The following HMCN1 variants were observed in gnomAD, a reference collection of about 807,000 sequenced individuals.
The protein encoded by HMCN1 is hemicentin-1.
A neutral mutation model predicts 625.9 loss-of-function variants in HMCN1; 321 were observed. That is an observed-to-expected ratio of 0.51 (90% CI 0.47 to 0.56). HMCN1 has a LOEUF of 0.56. HMCN1 is among the 20% of genes least tolerant of loss of function. The probability of loss-of-function intolerance (pLI) is 0.00; values close to 1 mark genes in which losing one functional copy is unlikely to be tolerated. For missense variants in HMCN1, 6,588 were observed against 6,887.3 expected (o/e 0.96, Z 1.54); for synonymous variants, 2,425 against 2,417.6 (o/e 1.00, Z -0.09).
chr1:186,180,744 G>A (rs1184549648), intron 104 of HMCN1, among the ~76,000 whole-genome samples: 1 of 152,152 alleles, frequency 6.6e-6, no homozygotes, highest in Non-Finnish European at 1.5e-5. Context: ...AAAATTTATA[G>A]CTAGTCCATT....
intron 4 of HMCN1, among the ~76,000 whole-genome samples, chr1:185,889,354 G>C (rs1664892680): frequency 6.8e-6 from 1 of 146,624 alleles, no homozygotes; most frequent in Admixed American, 6.6e-5. Context: ...ATGTTGAATA[G>C]GAGTGGTGAG....
At chr1:185,852,755 A>G (rs1053396791) in intron 2 of HMCN1, among the ~76,000 whole-genome samples, 1 of 151,960 alleles carries the variant, frequency 6.6e-6, no homozygotes, top group Non-Finnish European at 1.5e-5. Context: ...ATCTATTGCT[A>G]CTACTAGCTC....
At chr1:185,870,487 A>C (rs1454599704) in intron 4 of HMCN1, among the ~76,000 whole-genome samples, 1 of 152,148 alleles carries the variant, frequency 6.6e-6, no homozygotes, top group Middle Eastern at 3.2e-3. Flanking sequence ...CCCTCGAAAA[A>C]AACTTACCAG....
intron 5 of HMCN1, among the ~76,000 whole-genome samples, chr1:185,911,086 C>T (rs1666390207): frequency 6.6e-6 from 1 of 152,110 alleles, no homozygotes; most frequent in Admixed American, 6.6e-5. Context: ...AAAGCCTTCT[C>T]CTGTGCTTCA....
At chr1:186,101,165 A>G (rs569197741) in intron 68 of HMCN1, among the ~76,000 whole-genome samples, 39 of 147,474 alleles carry the variant, frequency 2.6e-4, no homozygotes, top group Admixed American at 5.4e-4. Flanking sequence ...AACTAGGAAG[A>G]AAAAAAAAAC....
At chr1:186,119,644 T>A in intron 78 of HMCN1, 101 bp from the exon 79 acceptor site, 1 of 1,195,504 alleles carries the variant, frequency 8.4e-7, no homozygotes, top group Non-Finnish European at 1.2e-6. Context: ...TCACTAATAT[T>A]TTAGAATTAT....
At chr1:186,018,471 A>G (rs1654509157) in intron 34 of HMCN1, 119 bp downstream of exon 34, 8 of 1,063,728 alleles carry the variant, frequency 7.5e-6, no homozygotes, top group Non-Finnish European at 1.1e-5. Flanking sequence ...AAGGTAGTGT[A>G]AAGGATGTGA....
At chr1:185,861,295 G>A (rs1662851765) in intron 2 of HMCN1, among the ~76,000 whole-genome samples, 1 of 152,156 alleles carries the variant, frequency 6.6e-6, no homozygotes, top group Admixed American at 6.5e-5. Flanking sequence ...CTGTCCTCAT[G>A]TTTGGCCCAT....
chr1:185,962,338 T>C (rs561345892), intron 11 of HMCN1, among the ~76,000 whole-genome samples, 180 bp from the exon 12 acceptor site: 40 of 152,132 alleles, frequency 2.6e-4, no homozygotes, highest in Middle Eastern at 6.8e-3. Context: ...TCAAAGAGAG[T>C]TTACTTCCCT....
intron 4 of HMCN1, among the ~76,000 whole-genome samples, chr1:185,869,842 A>T (rs1663497602): frequency 6.6e-6 from 1 of 152,150 alleles, no homozygotes; most frequent in African/African-American, 2.4e-5. Flanking sequence ...AAGAACTTCA[A>T]GGAAGCCACA....
chr1:185,931,443 A>G (rs1454589252), intron 10 of HMCN1, among the ~76,000 whole-genome samples: 3 of 152,168 alleles, frequency 2.0e-5, no homozygotes, highest in African/African-American at 7.2e-5. Flanking sequence ...TTCAATGTGT[A>G]TAATATTTAT....
intron 6 of HMCN1, among the ~76,000 whole-genome samples, chr1:185,919,954 A>G (rs944569631): frequency 6.6e-6 from 1 of 152,168 alleles, no homozygotes; most frequent in Non-Finnish European, 1.5e-5. Flanking sequence ...GGTGGGTTAT[A>G]CCCTCATACA....
At chr1:185,756,826 C>G (rs1205238009) in intron 1 of HMCN1, among the ~76,000 whole-genome samples, 9 of 151,500 alleles carry the variant, frequency 5.9e-5, no homozygotes, top group African/African-American at 1.2e-4. Flanking sequence ...CTGCTATTGT[C>G]CAATGACTAT....
At chr1:186,076,651 G>T in intron 54 of HMCN1, 29 bp downstream of exon 54, 1 of 1,597,780 alleles carries the variant, frequency 6.3e-7, no homozygotes. Flanking sequence ...AGGGTGAAAA[G>T]CTGACTCTCT....
chr1:186,094,242 C>A (rs752033630), intron 66 of HMCN1, 34 bp from the exon 67 acceptor site: 15 of 1,446,748 alleles, frequency 1.0e-5, no homozygotes, highest in Non-Finnish European at 1.4e-5. Flanking sequence ...TGTATGGGAG[C>A]AAGTGATGAA....
chr1:185,930,117 C>T (rs1467713269), intron 10 of HMCN1, among the ~76,000 whole-genome samples: 4 of 152,214 alleles, frequency 2.6e-5, no homozygotes, highest in Non-Finnish European at 5.9e-5. Flanking sequence ...ATATTCTACA[C>T]ATGCCCTTCT....
chr1:186,130,539 A>T lies in HMCN1; in HGVS notation c.13072A>T (p.Asn4358Tyr). 1.9e-6 allele frequency: 3 copies of T among 1,613,498 alleles called. No individual in the cohort carries two copies. Among genetic ancestry groups the T allele is most frequent in the Admixed American group, 1.7e-5 (1 of 59,942 alleles). Residue 4358 changes from asparagine (N) to tyrosine (Y), a missense_variant, in exon 85 of 107, where the codon AAC becomes TAC. Coordinates refer to ENST00000271588, the MANE Select transcript of HMCN1 (RefSeq NM_031935.3). ...PPVFKGDYPS[N>Y]WIEPLGGNAI... ...AGTCTTCAAAGGTGATTATCCTTCT[A>T]ACTGGATTGAACCACTTGGTGGGAA...
intron 4 of HMCN1, among the ~76,000 whole-genome samples, chr1:185,895,933 C>T (rs754561972): frequency 5.4e-5 from 8 of 148,872 alleles, no homozygotes; most frequent in Non-Finnish European, 1.0e-4. Flanking sequence ...GTTATAGTCT[C>T]ATTTAATAAT....
chr1:185,962,695 G>A (rs1650113971), intron 12 of HMCN1, 36 bp downstream of exon 12: 4 of 1,303,838 alleles, frequency 3.1e-6, no homozygotes, highest in Non-Finnish European at 3.3e-6. Context: ...TTTTTATTGA[G>A]TGAGAAAAAT....
Sources: gnomAD v4.1 joint callset for allele counts (sites outside exome capture counted in the v4.1 genomes callset) on GRCh38, gnomAD v4.1.1 for gene constraint, MANE v1.5 for transcripts, NCBI Gene and HGNC (gene_info 2026-07-23, HGNC 2026-07-21) for gene names.